HGD: variants seen among roughly 807,000 people sequenced by gnomAD.
HGD encodes homogentisate oxidase.
HGD carries 61 observed loss-of-function variants against 60.8 expected under a neutral mutation model. The observed-to-expected ratio is 1.00, with a 90% confidence interval of 0.82 to 1.24. The LOEUF (loss-of-function observed/expected upper bound fraction) is 1.24. HGD is among the 50% of genes most tolerant of loss of function. The pLI, the probability that HGD is intolerant of heterozygous loss-of-function variation, is 0.00. For synonymous variants in HGD, 212 were observed against 187.7 expected (o/e 1.13, Z -1.06); for missense variants, 542 against 547.1 (o/e 0.99, Z 0.09).
At chr3:120,656,758 G>T (rs556066926) in intron 4 of HGD, among the ~76,000 whole-genome samples, 1 of 152,174 alleles carries the variant, frequency 6.6e-6, no homozygotes, top group African/African-American at 2.4e-5. Flanking sequence ...CACCATGTTG[G>T]CCAGGCTGGT....
rs1216584870 is a variant in HGD at position 120,633,287 on chromosome 3, A to G, written c.1048T>C (p.Tyr350His). Residue 350 changes from tyrosine (Y) to histidine (H), a missense_variant, in exon 13 of 14, where the codon TAT becomes CAT. This residue lies in a region of HGD where 537 missense variants were observed against 529.1 expected (regional missense o/e 1.01). Coordinates refer to ENST00000283871, the MANE Select transcript of HGD (RefSeq NM_000187.4). ...AGGAACCCACCTTGCTTTGCCTCAT[A>G]GTGACCTCGGATGAGTCCCATGAAC... ...SEFMGLIRGH[Y>H]EAKQGGFLPG... is the part of the protein sequence containing the mutation. 1.2e-6 allele frequency: 2 copies of G among 1,614,142 alleles called. No individual in the cohort carries two copies. The highest frequency in any genetic ancestry group is 1.1e-5 in the South Asian group (1 of 91,068).
At chr3:120,655,091 A>C (rs1941455123) in intron 4 of HGD, among the ~76,000 whole-genome samples, 3 of 152,000 alleles carry the variant, frequency 2.0e-5, no homozygotes, top group South Asian at 2.1e-4. Context: ...AACAACAAAA[A>C]CAACAACAAC....
In HGD at chr3:120,655,856, A is replaced by G. The variant is rs191175062; in HGVS notation, c.283-3205T>C. 1.8e-3 allele frequency among the ~76,000 whole-genome samples: 272 copies of G among 152,306 alleles called. 3 individuals carry two copies. Among genetic ancestry groups the G allele is most frequent in the African/African-American group, 6.3e-3 (263 of 41,566 alleles). On this transcript the variant is annotated intron_variant, in intron 4 of 13. Coordinates refer to ENST00000283871, the MANE Select transcript of HGD (RefSeq NM_000187.4). Reference sequence around the variant, plus strand: ...CCCAAATTTTGTTTTTTTCTTACATATAACAACAGGTGCTGGTGAGAACTA... The same window carrying G: ...CCCAAATTTTGTTTTTTTCTTACATGTAACAACAGGTGCTGGTGAGAACTA...
At chr3:120,630,825 T>TATACACAC (rs1491569082) in intron 13 of HGD, among the ~76,000 whole-genome samples, 1 of 104,120 alleles carries the variant, frequency 9.6e-6, no homozygotes, top group African/African-American at 4.6e-5. Context: ...TATATATATA[T>TATACACAC]ACACATACAC....
rs1223146044 is a variant in HGD at position 120,682,232 on chromosome 3, G to A, written c.-121C>T. The stretch of plus-strand genomic sequence containing the variant: ...ATTCCGGTTCCCACTGCTTCACTGC[G>A]CTTCACTGGTCAGTGCGTCACTCAA... On this transcript the variant is annotated 5_prime_UTR_variant, in exon 1 of 14. Coordinates refer to ENST00000283871, the MANE Select transcript of HGD (RefSeq NM_000187.4). 10 of 943,266 alleles carry A rather than the reference G, an allele frequency of 1.1e-5. No individual in the cohort carries two copies. Among genetic ancestry groups the A allele is most frequent in the South Asian group, 9.0e-5 (7 of 77,658 alleles). The allele number at this position is 943,266 out of a possible 1,614,324, so 58.4% of individuals were successfully genotyped here. A position where few individuals can be genotyped will look rare whatever the true frequency, so the allele number is the denominator to read the frequency against.
chr3:120,643,323 C>T (rs906506239), intron 10 of HGD, among the ~76,000 whole-genome samples: 7 of 152,208 alleles, frequency 4.6e-5, no homozygotes, highest in Non-Finnish European at 7.3e-5. Context: ...GGGGTTTTGC[C>T]ATGTTGGCCA....
chr3:120,646,327 T>C lies in HGD; in HGVS notation c.589A>G (p.Arg197Gly), dbSNP rs1414279737. 5.6e-6 allele frequency: 9 copies of C among 1,613,638 alleles called. No homozygotes were observed. Among genetic ancestry groups the C allele is most frequent in the Non-Finnish European group, 7.6e-6 (9 of 1,179,672 alleles). Residue 197 changes from arginine to glycine, a missense_variant, in exon 9 of 14, where the codon AGG becomes GGG. Around this residue, in one of 2 missense-constraint regions of HGD, gnomAD observed 537 missense variants for 529.1 expected, o/e 1.01. Transcript: ENST00000283871. ...CCATAGACCTCCAAGATGTAGCCCC[T>C]GGTCTCCTCAAAGACATCTATGCTG... ...RFSIDVFEET[R>G]GYILEVYGVH...
chr3:120,646,597 A>G (rs1445028788), intron 8 of HGD, among the ~76,000 whole-genome samples: 1 of 152,044 alleles, frequency 6.6e-6, no homozygotes, highest in African/African-American at 2.4e-5. Flanking sequence ...GACCCAAGCC[A>G]ATTCTAGTCT....
chr3:120,631,308 T>A (rs1006953653), intron 13 of HGD, among the ~76,000 whole-genome samples: 5 of 152,168 alleles, frequency 3.3e-5, no homozygotes, highest in African/African-American at 1.2e-4. Context: ...AGGGTGACCA[T>A]AGTCAATAAA....
At chr3:120,630,512 C>A (rs1559780313) in intron 13 of HGD, among the ~76,000 whole-genome samples, 2 of 152,028 alleles carry the variant, frequency 1.3e-5, no homozygotes, top group Non-Finnish European at 2.9e-5. Flanking sequence ...CTGACAAAAA[C>A]AAGCAATGGG....
At chr3:120,650,944 T>C in intron 5 of HGD, 79 bp from the exon 6 acceptor site, 1 of 1,058,362 alleles carries the variant, frequency 9.4e-7, no homozygotes, top group East Asian at 2.4e-5. Flanking sequence ...TCCCTGAGGG[T>C]CATGAGGCAC....
intron 1 of HGD, chr3:120,677,801 G>T (rs1486983021): frequency 6.6e-6 from 1 of 152,220 alleles, no homozygotes; most frequent in Non-Finnish European, 1.5e-5. Flanking sequence ...ACCGAAATGT[G>T]ATGCCTCCCC....
chr3:120,628,479 G>A lies in HGD; in HGVS notation c.1239C>T (p.Leu413=). 6.2e-7 allele frequency: 1 copy of A among 1,614,042 alleles called. No individual in the cohort carries two copies. Among genetic ancestry groups the A allele is most frequent in the Non-Finnish European group, 8.5e-7 (1 of 1,179,946 alleles). ...TCTCATCCAAACACCTGGAGGCCTT[G>A]AGTCCCCACTTTGTGACCGCCAGAC... ...SLSLAVTKWG[L]KASRCLDENY... is the part of the protein sequence containing the mutation. The change falls in exon 14 of 14, where the codon CTC becomes CTT. Residue 413 remains leucine (L), a synonymous_variant. Transcript: ENST00000283871.
At chr3:120,645,422 G>A (rs529147680) in intron 9 of HGD, among the ~76,000 whole-genome samples, 4 of 152,328 alleles carry the variant, frequency 2.6e-5, no homozygotes, top group South Asian at 2.1e-4. Context: ...ATTGGGAGAT[G>A]TGACCAAAGA....
intron 10 of HGD, 69 bp from the exon 11 acceptor site, chr3:120,641,762 G>T (rs1576291950): frequency 1.0e-6 from 1 of 956,546 alleles, no homozygotes; most frequent in East Asian, 2.4e-5. Flanking sequence ...CCCACAATAT[G>T]TACTGAGTAT....
At chr3:120,649,531 T>C (rs1941272037) in intron 6 of HGD, among the ~76,000 whole-genome samples, 1 of 152,208 alleles carries the variant, frequency 6.6e-6, no homozygotes, top group Admixed American at 6.5e-5. Flanking sequence ...CTAAATGGTC[T>C]ACTCCATTGT....
chr3:120,637,982 G>T (rs1940836394), intron 12 of HGD, among the ~76,000 whole-genome samples: 1 of 152,156 alleles, frequency 6.6e-6, no homozygotes, highest in Non-Finnish European at 1.5e-5. Flanking sequence ...AAATGGCTTG[G>T]TGCCATCATG....
At chr3:120,669,242 T>C (rs1707970220) in intron 4 of HGD, among the ~76,000 whole-genome samples, 1 of 151,460 alleles carries the variant, frequency 6.6e-6, no homozygotes, top group African/African-American at 2.5e-5. Flanking sequence ...ATTTTCTATA[T>C]TTTGTGGTAA....
rs533816567 is a variant in HGD, at chr3:120,681,060, C to T, written c.15+1037G>A. ...GATAAAAAACCAAAGTCTTTTACTC[C>T]GGTGTGGAGTGTTTTCAGGATTCCT... is the stretch of plus-strand genomic sequence containing the variant. On this transcript the variant is annotated intron_variant, in intron 1 of 13. Coordinates refer to ENST00000283871, the MANE Select transcript of HGD (RefSeq NM_000187.4). Among the ~76,000 whole-genome samples, 15 of 152,298 alleles carry T rather than the reference C, an allele frequency of 9.8e-5. No individual in the cohort carries two copies. The South Asian group carries it at 2.5e-3, about 25-fold the overall frequency.
Sources: gnomAD v4.1 joint callset for allele counts (sites outside exome capture counted in the v4.1 genomes callset) on GRCh38, gnomAD v4.1.1 for gene constraint, gnomAD v4.1.1 regional missense constraint, MANE v1.5 for transcripts, NCBI Gene and HGNC (gene_info 2026-07-23, HGNC 2026-07-21) for gene names.